The following ZMYND8 variants were observed in gnomAD, a reference collection of about 807,000 sequenced individuals.
The protein encoded by ZMYND8 is MYND-type zinc finger-containing chromatin reader ZMYND8.
A neutral mutation model predicts 140.8 loss-of-function variants in ZMYND8; 37 were observed. The observed-to-expected ratio is 0.26, with a 90% CI of 0.20 to 0.35. ZMYND8 has a LOEUF of 0.35. ZMYND8 is among the 10% of genes least tolerant of loss of function. The probability of loss-of-function intolerance (pLI) is 1.00; values close to 1 mark genes in which losing one functional copy is unlikely to be tolerated. For missense variants in ZMYND8, 1,068 were observed against 1,570.0 expected (o/e 0.68, Z 5.40); for synonymous variants, 592 against 597.1 (o/e 0.99, Z 0.12).
At position 47,233,376 on chromosome 20, in the gene ZMYND8, A is replaced by AT. The variant is rs895834415; in HGVS notation, c.2856+2949dup. Among the ~76,000 whole-genome samples, 146 of 151,308 alleles carry AT rather than the reference A, an allele frequency of 9.6e-4. 1 individual carries two copies. The highest frequency in any genetic ancestry group is 3.2e-3 in the South Asian group (15 of 4,760). ...CGGCATGTGCCACCAGGCCCAGCTA[A>AT]TTTTTTTTTATTTGTAAAGACAAGA... On this transcript the variant is annotated intron_variant, in intron 16 of 22. Transcript: ENST00000471951.
chr20:47,298,072 G>A lies in ZMYND8; in HGVS notation c.453+657C>T, dbSNP rs1475366100. Among the ~76,000 whole-genome samples, 1 of 152,048 alleles carries A rather than the reference G, an allele frequency of 6.6e-6. No homozygotes were observed. Among genetic ancestry groups the A allele is most frequent in the African/African-American group, 2.4e-5 (1 of 41,366 alleles). The stretch of plus-strand genomic sequence containing the variant: ...ACCACATTCAAAATGAAAACACCTT[G>A]CACTCCCTTGGACCTCCTATTCCCA... On this transcript the variant is annotated intron_variant, in intron 4 of 22. Transcript: ENST00000471951. This position sits in a 1 kb window ranked among gnomAD's most constrained non-coding sequence, Gnocchi z 5.0.
intron 12 of ZMYND8, among the ~76,000 whole-genome samples, chr20:47,253,229 A>G (rs375863692): frequency 6.6e-6 from 1 of 152,200 alleles, no homozygotes; most frequent in East Asian, 1.9e-4. Context: ...AGGCCTGGGC[A>G]TCAGCCTTTT....
intron 2 of ZMYND8, among the ~76,000 whole-genome samples, chr20:47,335,445 G>T (rs571445381): frequency 1.3e-5 from 2 of 152,060 alleles, no homozygotes; most frequent in South Asian, 4.2e-4. Flanking sequence ...ATGACACCTG[G>T]TCTTTCCAAA....
At chr20:47,306,959 G>A (rs1320588493) in intron 3 of ZMYND8, among the ~76,000 whole-genome samples, 1 of 152,146 alleles carries the variant, frequency 6.6e-6, no homozygotes, top group Non-Finnish European at 1.5e-5. Flanking sequence ...ACAGGCCTGT[G>A]TCTAAAGGGG....
At chr20:47,267,492 G>A (rs772982001) in intron 11 of ZMYND8, among the ~76,000 whole-genome samples, 7 of 88,756 alleles carry the variant, frequency 7.9e-5, no homozygotes, top group East Asian at 3.4e-4. Context: ...GTTCAGGGCC[G>A]GGGCGGGGGG....
At chr20:47,252,179 C>T (rs1266395827) in intron 12 of ZMYND8, among the ~76,000 whole-genome samples, 3 of 150,324 alleles carry the variant, frequency 2.0e-5, no homozygotes, top group Admixed American at 6.7e-5. Context: ...CTGTAATCCC[C>T]GGTACTCAGG....
chr20:47,314,840 C>A (rs941020869), intron 2 of ZMYND8, among the ~76,000 whole-genome samples: 2 of 152,212 alleles, frequency 1.3e-5, no homozygotes, highest in Non-Finnish European at 2.9e-5. Context: ...AGGCAAGTCT[C>A]CACCTCTCAG....
At chr20:47,356,516 C>A (rs769677133) in intron 1 of ZMYND8, 141 bp downstream of exon 1, 48 of 1,606,260 alleles carry the variant, frequency 3.0e-5, no homozygotes, top group Non-Finnish European at 4.0e-5. Context: ...CAAAAAAATT[C>A]TCTCTAAACA....
chr20:47,253,400 G>A (rs1381171457), intron 12 of ZMYND8, among the ~76,000 whole-genome samples: 6 of 152,070 alleles, frequency 3.9e-5, no homozygotes, highest in Non-Finnish European at 7.4e-5. Context: ...AGCCAGGCAT[G>A]ATGGCACCTG....
In ZMYND8 at chr20:47,280,952, C is replaced by A. The variant is rs979521047; in HGVS notation, c.998+1150G>T. Among the ~76,000 whole-genome samples the A allele has an allele frequency of 1.3e-5, 2 of 152,156 alleles. 1 individual carries two copies. The highest frequency in any genetic ancestry group is 2.9e-5 in the Non-Finnish European group (2 of 68,026). ...CCCAGATCTTCACACCAGGCCCCCA[C>A]CACTACCTCCTGACCTGAGATTATC... On this transcript the variant is annotated intron_variant, in intron 10 of 22. Transcript: ENST00000471951.
intron 2 of ZMYND8, among the ~76,000 whole-genome samples, chr20:47,327,224 C>T (rs2080507907): frequency 2.0e-5 from 3 of 151,988 alleles, no homozygotes; most frequent in Admixed American, 1.3e-4. Flanking sequence ...CCATGTTGGC[C>T]AGGCTGGTCT....
At chr20:47,351,887 T>G in intron 1 of ZMYND8, 1 of 985,196 alleles carries the variant, frequency 1.0e-6, no homozygotes, top group Non-Finnish European at 1.2e-6. Flanking sequence ...ATACCAGAAC[T>G]AGGAAAAGCT....
At chr20:47,295,580 A>G (rs2077584514) in intron 4 of ZMYND8, among the ~76,000 whole-genome samples, 1 of 152,196 alleles carries the variant, frequency 6.6e-6, no homozygotes, top group Non-Finnish European at 1.5e-5. Flanking sequence ...CCCTGCAGAA[A>G]GATTACAAGG....
chr20:47,248,908 G>GA (rs2073944548), intron 13 of ZMYND8, among the ~76,000 whole-genome samples: 1 of 152,198 alleles, frequency 6.6e-6, no homozygotes, highest in African/African-American at 2.4e-5. Context: ...AGTCTGGAGG[G>GA]AAAGGGTTTC....
Position 47,227,348 on chromosome 20 carries a change from T to G in ZMYND8, c.2938-67A>C, listed in dbSNP as rs987806670. 8 of 1,480,272 alleles carry G rather than the reference T, an allele frequency of 5.4e-6. No individual in the cohort carries two copies. The African/African-American group carries it at 8.3e-5, about 15-fold the overall frequency. 91.7% of individuals were successfully genotyped at this position (1,480,272 alleles called of 1,614,324 possible). A position where few individuals can be genotyped will look rare whatever the true frequency, so the allele number is the denominator to read the frequency against. On this transcript the variant is annotated intron_variant, in intron 17 of 22. Coordinates refer to ENST00000471951, the MANE Select transcript of ZMYND8 (RefSeq NM_001281775.3). ...CAGTTCACCAGGAGGGCTCAGAAGCTCAACCACGGCTGGCTGTGAGGGGTA... is the reference window on the plus strand; with the variant it reads ...CAGTTCACCAGGAGGGCTCAGAAGCGCAACCACGGCTGGCTGTGAGGGGTA...
At chr20:47,346,692 C>T (rs1244228117) in intron 2 of ZMYND8, among the ~76,000 whole-genome samples, 2 of 152,112 alleles carry the variant, frequency 1.3e-5, no homozygotes, top group African/African-American at 2.4e-5. Context: ...CTGCAACCTC[C>T]GCCTCCCAGG....
intron 15 of ZMYND8, 117 bp from the exon 16 acceptor site, chr20:47,236,633 G>C (rs1439029059): frequency 2.0e-5 from 22 of 1,100,534 alleles, no homozygotes; most frequent in Non-Finnish European, 2.7e-5. Context: ...ACTTTTAAAT[G>C]ACAAAGATGC....
At chr20:47,270,022 T>A (rs1252783872) in intron 11 of ZMYND8, among the ~76,000 whole-genome samples, 1 of 152,136 alleles carries the variant, frequency 6.6e-6, no homozygotes, top group Non-Finnish European at 1.5e-5. Flanking sequence ...GGCAGGCAGA[T>A]CGTTTGAGCC....
At chr20:47,255,722 G>GTGTATA (rs1458176502) in intron 12 of ZMYND8, among the ~76,000 whole-genome samples, 40 of 77,754 alleles carry the variant, frequency 5.1e-4, no homozygotes, top group East Asian at 3.2e-3. Context: ...GTGTATGTGT[G>GTGTATA]TATATATATA....
Sources: allele counts gnomAD v4.1 joint callset (sites outside exome capture counted in the v4.1 genomes callset), GRCh38; gene constraint gnomAD v4.1.1; non-coding constraint Gnocchi (gnomAD v3.1); transcripts MANE v1.5; gene names NCBI Gene and HGNC (gene_info 2026-07-23, HGNC 2026-07-21).